MTHFD1: variants seen among roughly 807,000 people sequenced by gnomAD.
MTHFD1 encodes the protein methylenetetrahydrofolate dehydrogenase, cyclohydrolase and formyltetrahydrofolate synthetase 1.
A neutral mutation model predicts 110.3 loss-of-function variants in MTHFD1; 44 were observed. That is an observed-to-expected ratio of 0.40 (90% CI 0.31 to 0.51). MTHFD1 has a LOEUF of 0.51. MTHFD1 is among the 20% of genes least tolerant of loss of function. The pLI is 0.60. For missense variants in MTHFD1, 909 were observed against 1,173.1 expected, an observed-to-expected ratio of 0.77 and a Z score of 3.29; for synonymous variants, 402 against 428.8, an observed-to-expected ratio of 0.94 and a Z score of 0.77.
At position 64,411,077 on chromosome 14, in the gene MTHFD1, T is replaced by C. The variant is rs2077979698; in HGVS notation, c.127-13T>C. ...TCCCTAATCATCTGATTTGCATGCA[T>C]TTATTATTCTAGGTTGGCAACAGAG... On this transcript the variant is annotated splice_polypyrimidine_tract_variant and intron_variant, in intron 2 of 27. Transcript: ENST00000652337. 1 of 1,593,118 alleles carries C rather than the reference T, an allele frequency of 6.3e-7. No homozygotes were observed. Among genetic ancestry groups the C allele is most frequent in the East Asian group, 2.2e-5 (1 of 44,796 alleles).
chr14:64,444,189 G>A (rs1204963454), intron 21 of MTHFD1, among the ~76,000 whole-genome samples: 2 of 152,292 alleles, frequency 1.3e-5, no homozygotes, highest in East Asian at 3.9e-4. Context: ...AAATCCTTCT[G>A]TATTGTTTTC....
chr14:64,443,522 G>A lies in MTHFD1; in HGVS notation c.2136+1120G>A, dbSNP rs555084586. Among the ~76,000 whole-genome samples, 6 of 152,302 alleles carry A rather than the reference G, an allele frequency of 3.9e-5. No homozygotes were observed. In the South Asian group the frequency reaches 1.2e-3, roughly 32 times the overall value. On this transcript the variant is annotated intron_variant, in intron 21 of 27. Transcript: ENST00000652337. Reference sequence around the variant, plus strand: ...AGTAAAAGGGCCATAAGATGTTACAGAATCTTATGGAAATAGTTTTGACTT... The same window carrying A: ...AGTAAAAGGGCCATAAGATGTTACAAAATCTTATGGAAATAGTTTTGACTT...
chr14:64,432,956 C>T (rs1226449035), intron 15 of MTHFD1, among the ~76,000 whole-genome samples: 1 of 152,148 alleles, frequency 6.6e-6, no homozygotes, highest in African/African-American at 2.4e-5. Context: ...GAGACCGTGT[C>T]TCACCATATT....
At chr14:64,441,312 T>C in intron 18 of MTHFD1, 73 bp from the exon 19 acceptor site, 10 of 1,370,640 alleles carry the variant, frequency 7.3e-6, no homozygotes. Flanking sequence ...AAGCCTAGAA[T>C]GTCAAATATT....
rs1399982706 is a variant in MTHFD1 at position 64,431,649 on chromosome 14, C to G, written c.1419+10C>G. 1.6e-5 allele frequency: 26 copies of G among 1,612,300 alleles called. No homozygotes were observed. The highest frequency in any genetic ancestry group is 2.0e-5 in the Non-Finnish European group (24 of 1,178,478). On this transcript the variant is annotated intron_variant, in intron 14 of 27. Coordinates refer to ENST00000652337, the MANE Select transcript of MTHFD1 (RefSeq NM_005956.4). Reference sequence around the variant, plus strand: ...GACCCAGACAGACAAGGTAGGATGCCAAAGCCCCATGAACCCCATTGAACA... The same window carrying G: ...GACCCAGACAGACAAGGTAGGATGCGAAAGCCCCATGAACCCCATTGAACA...
chr14:64,436,439 A>G (rs1018219459), intron 16 of MTHFD1, among the ~76,000 whole-genome samples: 1 of 152,154 alleles, frequency 6.6e-6, no homozygotes, highest in Non-Finnish European at 1.5e-5. Flanking sequence ...CTCTTATAGC[A>G]TATTAGGTAG....
rs766740356 is a variant in MTHFD1 at position 64,412,508 on chromosome 14, A to T, written c.223A>T (p.Thr75Ser). The change falls in exon 4 of 28, where the codon ACA becomes TCA. Residue 75 changes from threonine to serine, a missense_variant. Coordinates refer to ENST00000652337, the MANE Select transcript of MTHFD1 (RefSeq NM_005956.4). Reference sequence around the variant, plus strand: ...AGCCACTCACATTAAGTTACCAAGAACAACCACAGAATCTGAGGTGAGCTT... The same window carrying T: ...AGCCACTCACATTAAGTTACCAAGATCAACCACAGAATCTGAGGTGAGCTT... ...IKATHIKLPR[T>S]TTESEVMKYI... 12 of 1,613,454 alleles carry T rather than the reference A, an allele frequency of 7.4e-6. No homozygotes were observed. The African/African-American group carries it at 1.6e-4, about 22-fold the overall frequency.
intron 15 of MTHFD1, among the ~76,000 whole-genome samples, chr14:64,434,548 C>T (rs1014902750): frequency 6.6e-6 from 1 of 152,114 alleles, no homozygotes; most frequent in African/African-American, 2.4e-5. Flanking sequence ...AGAATGAGAC[C>T]TCATCTCAAA....
rs1417497012 is a variant in MTHFD1, at chr14:64,427,318, T to G, written c.1128-19T>G. On this transcript the variant is annotated intron_variant, in intron 11 of 27. Coordinates refer to ENST00000652337, the MANE Select transcript of MTHFD1 (RefSeq NM_005956.4). Reference sequence around the variant, plus strand: ...ACTTAATTCTTTAAACCTTTTTCTCTTTTGCTTTCGTCTTGAAGAATAACT... The same window carrying G: ...ACTTAATTCTTTAAACCTTTTTCTCGTTTGCTTTCGTCTTGAAGAATAACT... 1 of 1,613,986 alleles carries G rather than the reference T, an allele frequency of 6.2e-7. No individual in the cohort carries two copies. Among genetic ancestry groups the G allele is most frequent in the South Asian group, 1.1e-5 (1 of 91,076 alleles).
chr14:64,400,199 A>T (rs2140945314), intron 1 of MTHFD1, among the ~76,000 whole-genome samples: 1 of 150,164 alleles, frequency 6.7e-6, no homozygotes, highest in East Asian at 2.0e-4. Context: ...GACCAGCCTG[A>T]CCAACATAGA....
In MTHFD1 at chr14:64,457,921, C is replaced by T. The variant is rs1380063174; in HGVS notation, c.2719-293C>T. 5.0e-5 allele frequency: 25 copies of T among 498,246 alleles called. No individual in the cohort carries two copies. The Admixed American group carries it at 8.3e-4, about 17-fold the overall frequency. The allele number at this position is 498,246 out of a possible 1,614,324, so 30.9% of individuals were successfully genotyped here. On this transcript the variant is annotated intron_variant, in intron 26 of 27. Coordinates refer to ENST00000652337, the MANE Select transcript of MTHFD1 (RefSeq NM_005956.4). The stretch of plus-strand genomic sequence containing the variant: ...AAGATGACTTTACGTTTATTTTAGA[C>T]ATGGCCTTGCTCTGTCGCCCAGGCA...
chr14:64,431,895 T>C, intron 15 of MTHFD1, 34 bp downstream of exon 15: 1 of 1,573,860 alleles, frequency 6.4e-7, no homozygotes, highest in Non-Finnish European at 8.7e-7. Context: ...TTTTATATTG[T>C]ATGGAATCTG....
intron 15 of MTHFD1, among the ~76,000 whole-genome samples, chr14:64,434,959 T>TC (rs2078193681): frequency 1.8e-5 from 2 of 113,430 alleles, no homozygotes. Context: ...CTTTTTTTTT[T>TC]TTTTTTTTTT....
chr14:64,402,620 G>A (rs2077906256), intron 2 of MTHFD1, among the ~76,000 whole-genome samples: 1 of 151,960 alleles, frequency 6.6e-6, no homozygotes, highest in African/African-American at 2.4e-5. Flanking sequence ...AGTGCAGCCT[G>A]GACAACAAAG....
At chr14:64,426,725 T>TC (rs1298371767) in intron 11 of MTHFD1, among the ~76,000 whole-genome samples, 2 of 152,142 alleles carry the variant, frequency 1.3e-5, no homozygotes, top group Non-Finnish European at 2.9e-5. Context: ...CACCTCAGCC[T>TC]CCCAAAGTGC....
intron 24 of MTHFD1, among the ~76,000 whole-genome samples, chr14:64,450,733 G>A (rs1322514204): frequency 6.6e-6 from 1 of 151,920 alleles, no homozygotes; most frequent in Non-Finnish European, 1.5e-5. Context: ...TTTAAGACAG[G>A]GTCTTGCTCT....
intron 25 of MTHFD1, 59 bp from the exon 26 acceptor site, chr14:64,454,664 G>A: frequency 2.9e-6 from 4 of 1,397,774 alleles, no homozygotes; most frequent in Non-Finnish European, 4.1e-6. Context: ...GGGCCCAGAT[G>A]GTCATTGCTG....
chr14:64,400,411 C>T (rs541305197), intron 1 of MTHFD1, among the ~76,000 whole-genome samples: 2 of 151,982 alleles, frequency 1.3e-5, no homozygotes, highest in South Asian at 2.1e-4. Flanking sequence ...AAATACAGGC[C>T]GGGTGCAGTG....
chr14:64,411,632 G>T (rs2077985128), intron 3 of MTHFD1, among the ~76,000 whole-genome samples: 1 of 152,220 alleles, frequency 6.6e-6, no homozygotes, highest in Non-Finnish European at 1.5e-5. Context: ...GGACGCGGTG[G>T]CTCACGCCAG....
Sources: allele counts gnomAD v4.1 joint callset (sites outside exome capture counted in the v4.1 genomes callset), GRCh38; gene constraint gnomAD v4.1.1; transcripts MANE v1.5; gene names NCBI Gene and HGNC (gene_info 2026-07-23, HGNC 2026-07-21).